Variants in CHST8 observed in about 807,000 individuals in gnomAD.
The protein encoded by CHST8 is carbohydrate sulfotransferase 8.
Under a neutral mutation model 15.0 loss-of-function variants are expected in CHST8, and 10 were observed. The observed-to-expected ratio is 0.67, with a 90% CI of 0.41 to 1.13. CHST8 has a LOEUF of 1.13. CHST8 is among the 50% of genes most tolerant of loss of function. The pLI is 0.00. For missense variants in CHST8, 634 were observed against 608.2 expected (o/e 1.04, Z -0.45); for synonymous variants, 259 against 256.6 (o/e 1.01, Z -0.09).
intron 1 of CHST8, among the ~76,000 whole-genome samples, chr19:33,641,012 C>G (rs1972276913): frequency 6.6e-6 from 1 of 152,162 alleles, no homozygotes; most frequent in Admixed American, 6.5e-5. Context: ...AAAGGCCCAG[C>G]CCCTTGTCTC....
chr19:33,710,119 A>G (rs890582089), intron 3 of CHST8, among the ~76,000 whole-genome samples: 22 of 152,158 alleles, frequency 1.4e-4, no homozygotes, highest in African/African-American at 5.1e-4. Flanking sequence ...CATTTCATTC[A>G]AGTTGTCTCA....
chr19:33,682,040 G>A (rs1053208193), intron 2 of CHST8, among the ~76,000 whole-genome samples: 2 of 151,912 alleles, frequency 1.3e-5, no homozygotes, highest in Non-Finnish European at 2.9e-5. Context: ...ATTTTTAGTA[G>A]AGACGGGTTT....
At chr19:33,743,156 T>C (rs191645224) in intron 3 of CHST8, among the ~76,000 whole-genome samples, 2 of 152,274 alleles carry the variant, frequency 1.3e-5, no homozygotes, top group Admixed American at 1.3e-4. Flanking sequence ...CTCACCAGTG[T>C]GTTCTATATT....
At chr19:33,762,159 A>G (rs1456023260) in intron 3 of CHST8, among the ~76,000 whole-genome samples, 2 of 152,196 alleles carry the variant, frequency 1.3e-5, no homozygotes, top group African/African-American at 2.4e-5. Flanking sequence ...GGGGTCACAC[A>G]CACCCTGAAC....
chr19:33,626,023 T>G (rs1453143723), intron 1 of CHST8, among the ~76,000 whole-genome samples: 1 of 152,082 alleles, frequency 6.6e-6, no homozygotes, highest in Non-Finnish European at 1.5e-5. Flanking sequence ...TCAGGGCTCA[T>G]CTGACTCCAG....
chr19:33,758,931 G>GGT (rs1974661669), intron 3 of CHST8, among the ~76,000 whole-genome samples: 1 of 152,090 alleles, frequency 6.6e-6, no homozygotes, highest in African/African-American at 2.4e-5. Context: ...GCGGGGGGGG[G>GGT]CGGTGCTCAA....
At chr19:33,641,387 G>A (rs1972281782) in intron 1 of CHST8, among the ~76,000 whole-genome samples, 1 of 152,308 alleles carries the variant, frequency 6.6e-6, no homozygotes, top group African/African-American at 2.4e-5. Flanking sequence ...CAGCTTCTCA[G>A]TCTCAGCCTA....
At chr19:33,751,750 C>T (rs1041765846) in intron 3 of CHST8, among the ~76,000 whole-genome samples, 13 of 152,222 alleles carry the variant, frequency 8.5e-5, no homozygotes, top group African/African-American at 2.9e-4. Context: ...CCCACTTAAC[C>T]TCTTTGAGAC....
intron 1 of CHST8, among the ~76,000 whole-genome samples, chr19:33,661,397 C>G (rs1478534739): frequency 6.6e-6 from 1 of 152,238 alleles, no homozygotes; most frequent in African/African-American, 2.4e-5. Flanking sequence ...CTCATGTATG[C>G]GACCCAGTGG....
At chr19:33,718,706 C>G (rs1323276906) in intron 3 of CHST8, among the ~76,000 whole-genome samples, 1 of 152,224 alleles carries the variant, frequency 6.6e-6, no homozygotes, top group Non-Finnish European at 1.5e-5. Context: ...CACGTTCAGT[C>G]CCTGTGTTTA....
intron 3 of CHST8, among the ~76,000 whole-genome samples, chr19:33,729,053 A>T (rs1973951278): frequency 6.6e-6 from 1 of 152,218 alleles, no homozygotes; most frequent in South Asian, 2.1e-4. Context: ...GGCTTCTAGC[A>T]GGCGTGGGCA....
intron 3 of CHST8, among the ~76,000 whole-genome samples, chr19:33,758,659 G>A (rs995727748): frequency 6.6e-6 from 1 of 152,222 alleles, no homozygotes; most frequent in Non-Finnish European, 1.5e-5. Flanking sequence ...CAGTGGTAAT[G>A]AGGCTGCCGT....
At chr19:33,740,977 G>C (rs190052632) in intron 3 of CHST8, among the ~76,000 whole-genome samples, 2 of 152,176 alleles carry the variant, frequency 1.3e-5, no homozygotes, top group African/African-American at 4.8e-5. Context: ...CCCTTAGAGC[G>C]GGGTATCATT....
At chr19:33,731,092 T>C (rs1973984928) in intron 3 of CHST8, among the ~76,000 whole-genome samples, 1 of 152,188 alleles carries the variant, frequency 6.6e-6, no homozygotes, top group South Asian at 2.1e-4. Context: ...TTAAAGTCCT[T>C]TGGCAACACC....
At chr19:33,713,302 A>G (rs1166800008) in intron 3 of CHST8, among the ~76,000 whole-genome samples, 1 of 152,012 alleles carries the variant, frequency 6.6e-6, no homozygotes, top group Non-Finnish European at 1.5e-5. Flanking sequence ...CTAATGGAGG[A>G]AGGAGGATTG....
chr19:33,649,403 T>G (rs1226779599), intron 1 of CHST8, among the ~76,000 whole-genome samples: 1 of 152,144 alleles, frequency 6.6e-6, no homozygotes, highest in African/African-American at 2.4e-5. Flanking sequence ...AGAACTTTAT[T>G]TCTTAAGAAG....
At chr19:33,651,606 G>A (rs1972449939) in intron 1 of CHST8, among the ~76,000 whole-genome samples, 1 of 152,060 alleles carries the variant, frequency 6.6e-6, no homozygotes. Context: ...TTGTTCAATA[G>A]CCAATAGGTT....
At chr19:33,713,953 C>T (rs1973609250) in intron 3 of CHST8, among the ~76,000 whole-genome samples, 2 of 152,288 alleles carry the variant, frequency 1.3e-5, no homozygotes, top group African/African-American at 2.4e-5. Context: ...ACAGCCAGAA[C>T]ACTGTGGCTT....
chr19:33,658,178 A>G (rs1437347917), intron 1 of CHST8, among the ~76,000 whole-genome samples: 1 of 152,208 alleles, frequency 6.6e-6, no homozygotes, highest in East Asian at 1.9e-4. Context: ...TGTCTCTACC[A>G]CAAATCCAAA....
Sources: allele counts gnomAD v4.1 joint callset (sites outside exome capture counted in the v4.1 genomes callset), GRCh38; gene constraint gnomAD v4.1.1; transcripts MANE v1.5; gene names NCBI Gene and HGNC (gene_info 2026-07-23, HGNC 2026-07-21).